The following STK33 variants were observed in gnomAD, a reference collection of about 807,000 sequenced individuals.
The protein encoded by STK33 is serine/threonine kinase 33.
Under a neutral mutation model 58.0 loss-of-function variants are expected in STK33, and 52 were observed. The observed-to-expected ratio is 0.90, with a 90% CI of 0.72 to 1.13. STK33 has a LOEUF of 1.13. STK33 is among the 50% of genes most tolerant of loss of function. The pLI is 0.00. For synonymous variants in STK33, 215 were observed against 200.1 expected (o/e 1.07, Z -0.63); for missense variants, 630 against 604.2 (o/e 1.04, Z -0.45).
intron 15 of STK33, among the ~76,000 whole-genome samples, chr11:8,412,871 TC>T (rs1322595234): frequency 1.3e-5 from 2 of 152,160 alleles, no homozygotes; most frequent in Non-Finnish European, 2.9e-5. Flanking sequence ...CGGATCACAA[TC>T]TAGAACTAAT....
chr11:8,454,717 A>C, intron 10 of STK33, 27 bp downstream of exon 10: 1 of 1,553,282 alleles, frequency 6.4e-7, no homozygotes, highest in Non-Finnish European at 8.7e-7. Context: ...TTTACAGGCA[A>C]ATATTTACCA....
chr11:8,512,332 T>C (rs1193917249), intron 1 of STK33, among the ~76,000 whole-genome samples: 1 of 103,958 alleles, frequency 9.6e-6, no homozygotes, highest in African/African-American at 4.2e-5. Flanking sequence ...AGGGTAGATA[T>C]ACAAAAAAAA....
intron 1 of STK33, among the ~76,000 whole-genome samples, chr11:8,589,058 T>C (rs918022030): frequency 4.6e-5 from 7 of 152,180 alleles, no homozygotes; most frequent in African/African-American, 9.7e-5. Flanking sequence ...TGCTCATACA[T>C]TGCCGTTGGG....
intron 1 of STK33, among the ~76,000 whole-genome samples, chr11:8,574,668 A>G (rs1360421104): frequency 1.3e-5 from 2 of 152,148 alleles, no homozygotes; most frequent in African/African-American, 4.8e-5. Context: ...ACATATAACT[A>G]CAGACCAATA....
At chr11:8,589,227 C>T (rs1457791562) in intron 1 of STK33, among the ~76,000 whole-genome samples, 2 of 151,926 alleles carry the variant, frequency 1.3e-5, no homozygotes, top group South Asian at 2.1e-4. Flanking sequence ...TTCATAGCAG[C>T]ATTATTCAAA....
intron 12 of STK33, among the ~76,000 whole-genome samples, chr11:8,438,131 T>C (rs115974871): frequency 0.013 from 2,051 of 152,324 alleles, 50 homozygotes; most frequent in African/African-American, 0.048. Flanking sequence ...CATGCAACTA[T>C]AGCTTAAGGG....
chr11:8,474,112 T>C (rs751501094), intron 5 of STK33, among the ~76,000 whole-genome samples: 19 of 151,614 alleles, frequency 1.3e-4, no homozygotes, highest in Non-Finnish European at 8.8e-5. Flanking sequence ...GAGGCAGAGG[T>C]TGTGATGAGC....
intron 11 of STK33, among the ~76,000 whole-genome samples, chr11:8,442,228 TTAAC>T (rs1464178791): frequency 6.6e-6 from 1 of 152,148 alleles, no homozygotes; most frequent in Admixed American, 6.5e-5. Context: ...TGATTGAAAA[TTAAC>T]TAATATTTCC....
chr11:8,468,051 T>C (rs1948395687), intron 6 of STK33, among the ~76,000 whole-genome samples: 1 of 152,126 alleles, frequency 6.6e-6, no homozygotes, highest in Non-Finnish European at 1.5e-5. Flanking sequence ...GATAAAGACA[T>C]ACCCGAGACT....
chr11:8,403,142 T>C (rs1938428180), intron 15 of STK33, among the ~76,000 whole-genome samples: 1 of 152,182 alleles, frequency 6.6e-6, no homozygotes, highest in African/African-American at 2.4e-5. Context: ...GTTGGGCATA[T>C]ATTTACCAAC....
chr11:8,591,452 T>C (rs2141607995), intron 1 of STK33, among the ~76,000 whole-genome samples: 1 of 152,266 alleles, frequency 6.6e-6, no homozygotes, highest in East Asian at 1.9e-4. Context: ...CAACATAAAA[T>C]TGTTTTAATT....
chr11:8,375,850 T>G, the STK33 span, among the ~76,000 whole-genome samples: 90 of 152,236 alleles, frequency 5.9e-4, no homozygotes, highest in African/African-American at 2.1e-3. Context: ...TGTGGAACTG[T>G]GAGTCAATTA....
chr11:8,387,301 G>C (rs1848557144), downstream of STK33, among the ~76,000 whole-genome samples: 1 of 152,152 alleles, frequency 6.6e-6, no homozygotes, highest in Non-Finnish European at 1.5e-5. Context: ...CTAAAGAGTA[G>C]GGGAGCAAAA....
chr11:8,522,945 C>T (rs1277119481), intron 1 of STK33, among the ~76,000 whole-genome samples: 1 of 152,192 alleles, frequency 6.6e-6, no homozygotes, highest in East Asian at 1.9e-4. Flanking sequence ...GCGCGCGCCA[C>T]CACGCCTGAC....
chr11:8,540,060 G>A (rs541838322), intron 1 of STK33, among the ~76,000 whole-genome samples: 11 of 152,116 alleles, frequency 7.2e-5, no homozygotes, highest in Non-Finnish European at 1.3e-4. Context: ...TCTTCTGGGT[G>A]TATACCCAAA....
chr11:8,584,557 A>C (rs2031124139), intron 1 of STK33, among the ~76,000 whole-genome samples: 1 of 152,192 alleles, frequency 6.6e-6, no homozygotes. Flanking sequence ...TCAGTGAGAG[A>C]CTATGGGCAA....
intron 1 of STK33, among the ~76,000 whole-genome samples, chr11:8,557,325 A>G (rs1298477924): frequency 1.5e-5 from 2 of 135,648 alleles, no homozygotes; most frequent in African/African-American, 5.6e-5. Context: ...GAGAAAAGAA[A>G]GAGGGAGGCA....
the STK33 span, among the ~76,000 whole-genome samples, chr11:8,371,487 A>G: frequency 6.6e-6 from 1 of 152,186 alleles, no homozygotes; most frequent in East Asian, 1.9e-4. Flanking sequence ...GAGGAAATGC[A>G]TTTCTGTTGT....
At chr11:8,378,793 A>G in the STK33 span, among the ~76,000 whole-genome samples, 6 of 152,168 alleles carry the variant, frequency 3.9e-5, no homozygotes, top group Non-Finnish European at 8.8e-5. Flanking sequence ...GAAAAAAAAA[A>G]TCCTAAAATT....
Sources: allele counts gnomAD v4.1 joint callset (sites outside exome capture counted in the v4.1 genomes callset), GRCh38; gene constraint gnomAD v4.1.1; transcripts MANE v1.5; gene names NCBI Gene and HGNC (gene_info 2026-07-23, HGNC 2026-07-21).